PTPRG: variants seen among roughly 807,000 people sequenced by gnomAD.
PTPRG encodes protein tyrosine phosphatase receptor type G, also known as receptor-type tyrosine-protein phosphatase gamma.
Under a neutral mutation model 165.3 loss-of-function variants are expected in PTPRG, and 102 were observed. That is an observed-to-expected ratio of 0.62 (90% CI 0.53 to 0.73). The LOEUF (loss-of-function observed/expected upper bound fraction) is 0.73. PTPRG is among the 30% of genes least tolerant of loss of function. PTPRG has a pLI of 0.00. For synonymous variants in PTPRG, 675 were observed against 669.5 expected, an observed-to-expected ratio of 1.01 and a Z score of -0.13; for missense variants, 1,866 against 1,861.4, an observed-to-expected ratio of 1.00 and a Z score of -0.05.
intron 1 of PTPRG, among the ~76,000 whole-genome samples, chr3:61,628,909 A>G (rs1446482038): frequency 1.3e-5 from 2 of 152,198 alleles, no homozygotes; most frequent in African/African-American, 4.8e-5. Flanking sequence ...TTTGTTGGTA[A>G]ACACCCAGGT....
At chr3:61,641,319 G>T (rs1212128281) in intron 1 of PTPRG, among the ~76,000 whole-genome samples, 1 of 152,160 alleles carries the variant, frequency 6.6e-6, no homozygotes, top group East Asian at 1.9e-4. Flanking sequence ...TGAAGTCCCT[G>T]TCCTTATGGG....
chr3:62,158,286 G>T (rs538213817), intron 7 of PTPRG, among the ~76,000 whole-genome samples: 1 of 152,272 alleles, frequency 6.6e-6, no homozygotes, highest in African/African-American at 2.4e-5. Flanking sequence ...AGCATGGACT[G>T]AATTACAAAA....
rs551680138 is a variant in PTPRG at position 62,119,900 on chromosome 3, C to G, written c.616-12702C>G. ...CTGCCCACCTTGGGCTCCCAAAGTG[C>G]TGGAATTACAGGCGTGAGCCACCGT... On this transcript the variant is annotated intron_variant, in intron 5 of 29. Coordinates refer to ENST00000474889, the MANE Select transcript of PTPRG (RefSeq NM_002841.4). 4.0e-5 allele frequency among the ~76,000 whole-genome samples: 6 copies of G among 150,100 alleles called. No homozygotes were observed. In the South Asian group the frequency reaches 1.3e-3, roughly 32 times the overall value.
intron 2 of PTPRG, among the ~76,000 whole-genome samples, chr3:61,949,808 C>G (rs1005219687): frequency 1.3e-5 from 2 of 151,450 alleles, no homozygotes; most frequent in Non-Finnish European, 1.5e-5. Flanking sequence ...AGTGCAGTGG[C>G]GTGATCTCGG....
intron 15 of PTPRG, among the ~76,000 whole-genome samples, chr3:62,249,813 C>T (rs1701371287): frequency 6.6e-6 from 1 of 152,136 alleles, no homozygotes; most frequent in Admixed American, 6.6e-5. Context: ...TCATTTCAAT[C>T]CTTTTTGCTG....
At chr3:61,825,699 T>C (rs2036087904) in intron 2 of PTPRG, among the ~76,000 whole-genome samples, 1 of 151,900 alleles carries the variant, frequency 6.6e-6, no homozygotes, top group South Asian at 2.1e-4. Context: ...GGCTGGGGTG[T>C]AGAGATAGGA....
chr3:61,567,945 G>A (rs35668148), intron 1 of PTPRG, among the ~76,000 whole-genome samples: 34,322 of 133,188 alleles, frequency 0.26, 5,044 homozygotes, highest in Admixed American at 0.38. Context: ...CAGCCTGGGC[G>A]ACATAGTGAG....
chr3:61,647,758 C>G (rs1171485878), intron 1 of PTPRG, among the ~76,000 whole-genome samples: 1 of 139,050 alleles, frequency 7.2e-6, no homozygotes, highest in Non-Finnish European at 1.5e-5. Context: ...CACCACTGCA[C>G]TCCAGCCTGG....
intron 15 of PTPRG, among the ~76,000 whole-genome samples, chr3:62,248,752 A>G (rs1701346694): frequency 6.6e-6 from 1 of 152,206 alleles, no homozygotes; most frequent in South Asian, 2.1e-4. Context: ...TGTCCTAACG[A>G]ATGCTTTTCT....
intron 4 of PTPRG, among the ~76,000 whole-genome samples, chr3:62,045,178 C>A (rs1280833087): frequency 6.6e-6 from 1 of 152,116 alleles, no homozygotes; most frequent in East Asian, 1.9e-4. Flanking sequence ...TGCAAACCGT[C>A]TTAGGTTGAA....
chr3:62,149,702 C>T (rs1306191146), intron 6 of PTPRG, among the ~76,000 whole-genome samples: 1 of 152,224 alleles, frequency 6.6e-6, no homozygotes, highest in Non-Finnish European at 1.5e-5. Context: ...CCCACTGTCA[C>T]ACCCACCTAA....
chr3:61,917,211 TCA>T (rs2038962403), intron 2 of PTPRG, among the ~76,000 whole-genome samples: 1 of 152,174 alleles, frequency 6.6e-6, no homozygotes, highest in South Asian at 2.1e-4. Flanking sequence ...CTTTGGGAAC[TCA>T]CACGTTCCAC....
chr3:62,092,964 C>G (rs959983990), intron 5 of PTPRG, among the ~76,000 whole-genome samples: 2 of 152,162 alleles, frequency 1.3e-5, no homozygotes, highest in African/African-American at 2.4e-5. Context: ...TTCTTCCTCT[C>G]CAAACTCAGT....
chr3:61,625,240 T>C (rs1378015933), intron 1 of PTPRG, among the ~76,000 whole-genome samples: 1 of 151,768 alleles, frequency 6.6e-6, no homozygotes, highest in Non-Finnish European at 1.5e-5. Context: ...GGGGATATGA[T>C]TCGACCCATC....
At chr3:62,289,419 G>A (rs933566042) in intron 28 of PTPRG, among the ~76,000 whole-genome samples, 1 of 152,156 alleles carries the variant, frequency 6.6e-6, no homozygotes, top group African/African-American at 2.4e-5. Context: ...ATGCAATGTT[G>A]ATTTAAACAA....
intron 2 of PTPRG, among the ~76,000 whole-genome samples, chr3:61,883,271 C>T (rs1300256359): frequency 6.6e-6 from 1 of 152,144 alleles, no homozygotes; most frequent in Non-Finnish European, 1.5e-5. Context: ...ACCACCCCTC[C>T]ACTTATGGTC....
At chr3:61,978,142 A>C (rs185277510) in intron 2 of PTPRG, among the ~76,000 whole-genome samples, 1 of 152,308 alleles carries the variant, frequency 6.6e-6, no homozygotes, top group East Asian at 1.9e-4. Flanking sequence ...GTAAGCCACC[A>C]TGCCTGACTG....
chr3:62,028,415 GA>G (rs1256710346), intron 4 of PTPRG, among the ~76,000 whole-genome samples: 1 of 152,166 alleles, frequency 6.6e-6, no homozygotes, highest in African/African-American at 2.4e-5. Context: ...AACACATTAT[GA>G]AATGTGTGGT....
intron 13 of PTPRG, among the ~76,000 whole-genome samples, chr3:62,225,505 T>C (rs981321889): frequency 1.3e-5 from 2 of 151,768 alleles, no homozygotes; most frequent in South Asian, 2.1e-4. Context: ...ATTACAAAGA[T>C]ATTTTTAGTT....
Sources: gnomAD v4.1 joint callset for allele counts (sites outside exome capture counted in the v4.1 genomes callset) on GRCh38, gnomAD v4.1.1 for gene constraint, MANE v1.5 for transcripts, NCBI Gene and HGNC (gene_info 2026-07-23, HGNC 2026-07-21) for gene names.